Variants in NRXN3 observed in about 807,000 individuals in gnomAD.
NRXN3 encodes the protein neurexin 3.
A neutral mutation model predicts 137.6 loss-of-function variants in NRXN3; 32 were observed. That is an observed-to-expected ratio of 0.23 (90% CI 0.18 to 0.31). The LOEUF (loss-of-function observed/expected upper bound fraction) is 0.31, where lower values mean the gene tolerates loss of function less well. NRXN3 is among the 10% of genes least tolerant of loss of function. The pLI is 1.00. For missense variants in NRXN3, 1,574 were observed against 2,062.5 expected (o/e 0.76, Z 4.59); for synonymous variants, 798 against 784.5 (o/e 1.02, Z -0.29).
At chr14:79,315,802 A>C (rs1291025379) in intron 15 of NRXN3, among the ~76,000 whole-genome samples, 1 of 152,238 alleles carries the variant, frequency 6.6e-6, no homozygotes, top group Non-Finnish European at 1.5e-5. Flanking sequence ...GAGCTACAAT[A>C]GAAAGAAGTT....
At chr14:79,680,989 A>G (rs903067215) in intron 17 of NRXN3, among the ~76,000 whole-genome samples, 2 of 152,176 alleles carry the variant, frequency 1.3e-5, no homozygotes, top group Non-Finnish European at 2.9e-5. Context: ...TCAGAGAAGC[A>G]TCAACACATG....
chr14:79,488,242 A>G (rs2153651878), intron 16 of NRXN3, among the ~76,000 whole-genome samples: 1 of 152,228 alleles, frequency 6.6e-6, no homozygotes, highest in Non-Finnish European at 1.5e-5. Context: ...TGAGGATCAG[A>G]AGACCTGAGT....
intron 15 of NRXN3, among the ~76,000 whole-genome samples, chr14:79,432,951 G>A (rs758248145): frequency 6.6e-6 from 1 of 152,014 alleles, no homozygotes; most frequent in Non-Finnish European, 1.5e-5. Flanking sequence ...GTGTGTCTTG[G>A]GTGCCTGAAT....
chr14:78,864,333 A>G (rs1207259891), intron 10 of NRXN3, among the ~76,000 whole-genome samples: 2 of 152,154 alleles, frequency 1.3e-5, no homozygotes, highest in Non-Finnish European at 2.9e-5. Flanking sequence ...CTTTAACTCT[A>G]TGGATCTATA....
intron 10 of NRXN3, among the ~76,000 whole-genome samples, chr14:78,822,874 C>T (rs566489400): frequency 6.6e-6 from 1 of 152,264 alleles, no homozygotes; most frequent in African/African-American, 2.4e-5. Context: ...TGAATGAAAT[C>T]TATCACTCTA....
At chr14:79,217,678 C>T (rs1417786434) in intron 15 of NRXN3, among the ~76,000 whole-genome samples, 1 of 152,076 alleles carries the variant, frequency 6.6e-6, no homozygotes, top group Admixed American at 6.6e-5. Context: ...TAATCATCTA[C>T]AGAATTCAAA....
chr14:79,539,271 T>A (rs1283511026), intron 16 of NRXN3, among the ~76,000 whole-genome samples: 1 of 152,090 alleles, frequency 6.6e-6, no homozygotes. Context: ...TGACCTCAAA[T>A]CATCCACCCA....
chr14:79,616,101 G>A (rs181193299), intron 16 of NRXN3, among the ~76,000 whole-genome samples: 3 of 152,156 alleles, frequency 2.0e-5, no homozygotes, highest in African/African-American at 7.2e-5. Context: ...AATTGACAAC[G>A]GGGAGCTCTT....
At chr14:79,272,796 C>T (rs1010899875) in intron 15 of NRXN3, among the ~76,000 whole-genome samples, 9 of 152,158 alleles carry the variant, frequency 5.9e-5, no homozygotes, top group Non-Finnish European at 1.0e-4. Flanking sequence ...GATGAAGTTG[C>T]CCCTTTTTCT....
chr14:78,959,365 C>G (rs1375940525), intron 11 of NRXN3, among the ~76,000 whole-genome samples: 1 of 152,164 alleles, frequency 6.6e-6, no homozygotes, highest in Non-Finnish European at 1.5e-5. Context: ...AGCTCCAAAT[C>G]CATGTCAGTG....
At chr14:79,130,649 T>A (rs1241554416) in intron 15 of NRXN3, among the ~76,000 whole-genome samples, 1 of 152,138 alleles carries the variant, frequency 6.6e-6, no homozygotes, top group African/African-American at 2.4e-5. Flanking sequence ...ATCTGACAAT[T>A]ATGTGTCTTG....
At chr14:79,564,414 A>G (rs1361839488) in intron 16 of NRXN3, among the ~76,000 whole-genome samples, 1 of 152,140 alleles carries the variant, frequency 6.6e-6, no homozygotes, top group Non-Finnish European at 1.5e-5. Context: ...CTAATACCCA[A>G]GGTAGGGTTT....
intron 15 of NRXN3, among the ~76,000 whole-genome samples, chr14:79,345,871 C>A (rs1445431135): frequency 6.6e-6 from 1 of 152,152 alleles, no homozygotes; most frequent in Non-Finnish European, 1.5e-5. Flanking sequence ...TCAGTTAAAC[C>A]TATTTTCTTT....
intron 15 of NRXN3, among the ~76,000 whole-genome samples, chr14:79,081,872 G>C (rs571372288): frequency 2.0e-5 from 3 of 152,040 alleles, no homozygotes; most frequent in South Asian, 4.2e-4. Flanking sequence ...ATGCCTCCCT[G>C]GATTGTCAAT....
intron 15 of NRXN3, among the ~76,000 whole-genome samples, chr14:79,430,454 T>C (rs2095732795): frequency 6.6e-6 from 1 of 152,206 alleles, no homozygotes; most frequent in African/African-American, 2.4e-5. Flanking sequence ...CAATTATTGC[T>C]TCTGGGTTTC....
intron 15 of NRXN3, among the ~76,000 whole-genome samples, chr14:79,034,582 G>C (rs1451740408): frequency 6.6e-6 from 1 of 152,068 alleles, no homozygotes; most frequent in African/African-American, 2.4e-5. Flanking sequence ...CTGAAAGCAG[G>C]TGTAAAATCT....
At chr14:79,149,775 A>G (rs575127006) in intron 15 of NRXN3, among the ~76,000 whole-genome samples, 2 of 152,202 alleles carry the variant, frequency 1.3e-5, no homozygotes, top group Non-Finnish European at 2.9e-5. Context: ...CAAATACCAC[A>G]TGTTCTTACT....
intron 9 of NRXN3, among the ~76,000 whole-genome samples, chr14:78,808,675 G>T (rs1037667189): frequency 1.3e-5 from 2 of 151,974 alleles, no homozygotes; most frequent in Admixed American, 1.3e-4. Context: ...AAACCTAACC[G>T]CACGAAACCA....
chr14:78,997,682 C>G (rs1269036779), intron 15 of NRXN3, among the ~76,000 whole-genome samples: 1 of 152,158 alleles, frequency 6.6e-6, no homozygotes, highest in Non-Finnish European at 1.5e-5. Context: ...AAATTTACAT[C>G]CAGCAAAATG....
Sources: gnomAD v4.1 joint callset for allele counts (sites outside exome capture counted in the v4.1 genomes callset) on GRCh38, gnomAD v4.1.1 for gene constraint, MANE v1.5 for transcripts, NCBI Gene and HGNC (gene_info 2026-07-23, HGNC 2026-07-21) for gene names.